ISL2: variants seen among roughly 807,000 people sequenced by gnomAD.
ISL2 encodes ISL LIM homeobox 2, also known as insulin gene enhancer protein ISL-2.
A neutral mutation model predicts 34.6 loss-of-function variants in ISL2; 17 were observed. The observed-to-expected ratio is 0.49, with a 90% CI of 0.34 to 0.74. The LOEUF is 0.74. Ranked by LOEUF, ISL2 falls within the 30% of genes least tolerant of loss-of-function variation. ISL2 has a pLI of 0.01. For missense variants in ISL2, 469 were observed against 515.2 expected (o/e 0.91, Z 0.87); for synonymous variants, 232 against 225.5 (o/e 1.03, Z -0.26).
Position 76,341,182 on chromosome 15 carries a change from C to G in ISL2, c.844C>G (p.Arg282Gly), listed in dbSNP as rs1458286334. 1 of 1,612,708 alleles carries G rather than the reference C, an allele frequency of 6.2e-7. No individual in the cohort carries two copies. Among genetic ancestry groups the G allele is most frequent in the Non-Finnish European group, 8.5e-7 (1 of 1,179,904 alleles). ...GCCCCTGGTGGCGGGCAGTCCCATC[C>G]GCCATGAGAACGCCGTGCAGGGCAG... is the stretch of plus-strand genomic sequence containing the variant. ...GTPLVAGSPI[R>G]HENAVQGSAV... The change falls in exon 5 of 6, where the codon CGC (arginine) becomes GGC (glycine). Residue 282 changes from arginine (R) to glycine (G), a missense_variant. Transcript: ENST00000290759.
Position 76,340,308 on chromosome 15 carries a change from C to T in ISL2, c.544C>T (p.Pro182Ser), listed in dbSNP as rs1170890138. The change falls in exon 4 of 6, where the codon CCG (proline) becomes TCG (serine). Residue 182 changes from proline (P) to serine (S), a missense_variant. Physicochemically the swap from Pro to Ser is moderately conservative, Grantham distance 74. This residue lies in a region of ISL2 where 297 missense variants were observed against 337.8 expected (regional missense o/e 0.88). Coordinates refer to ENST00000290759, the MANE Select transcript of ISL2 (RefSeq NM_145805.3). ...AGSGRQPALR[P>S]HVHKQTEKTT... Reference sequence around the variant, plus strand: ...GTCGGGCCGGCAGCCCGCGTTGCGCCCGCACGTGCACAAGCAGACGGAGAA... The same window carrying T: ...GTCGGGCCGGCAGCCCGCGTTGCGCTCGCACGTGCACAAGCAGACGGAGAA... The T allele has an allele frequency of 1.2e-6, 2 of 1,609,280 alleles. No homozygotes were observed. The highest frequency in any genetic ancestry group is 1.7e-6 in the Non-Finnish European group (2 of 1,178,904).
Position 76,340,362 on chromosome 15 carries a change from G to A in ISL2, c.598G>A (p.Glu200Lys), listed in dbSNP as rs1297225863. 1 of 1,613,382 alleles carries A rather than the reference G, an allele frequency of 6.2e-7. No individual in the cohort carries two copies. Residue 200 changes from glutamate (E) to lysine (K), a missense_variant, in exon 4 of 6, where the codon GAG (glutamate) becomes AAG (lysine). Around this residue, in one of 3 missense-constraint regions of ISL2, gnomAD observed 297 missense variants for 337.8 expected, o/e 0.88. Coordinates refer to ENST00000290759, the MANE Select transcript of ISL2 (RefSeq NM_145805.3). ...GACCCGCGTGCGGACTGTGCTGAAC[G>A]AGAAGCAGCTGCACACTCTGCGGAC... ...KTTRVRTVLN[E>K]KQLHTLRTCY... is the part of the protein sequence containing the mutation.
chr15:76,341,626 C>T (rs973493957), intron 5 of ISL2, 93 bp from the exon 6 acceptor site: 3 of 1,006,998 alleles, frequency 3.0e-6, no homozygotes, highest in Admixed American at 1.7e-5. Flanking sequence ...GGCCGGTCCC[C>T]AAGGGACACT....
intron 1 of ISL2, chr15:76,337,389 C>A (rs1306294842): frequency 3.2e-6 from 1 of 312,352 alleles, no homozygotes; most frequent in Non-Finnish European, 5.8e-6. Flanking sequence ...GAGGCAGCCG[C>A]TGTGAGTGGG....
chr15:76,340,190 C>CG lies in ISL2; in HGVS notation c.512-80dup, dbSNP rs1437216821. ...ATAAAACAGAAACGAAATCGGGCCC[C>CG]GGGGGGCTGGGCCACCCGGAGGTTG... On this transcript the variant is annotated intron_variant, in intron 3 of 5. Coordinates refer to ENST00000290759, the MANE Select transcript of ISL2 (RefSeq NM_145805.3). 3.0e-6 allele frequency: 4 copies of CG among 1,337,326 alleles called. No individual in the cohort carries two copies. The South Asian group carries it at 4.5e-5, about 15-fold the overall frequency. 82.8% of individuals were successfully genotyped at this position (1,337,326 alleles called of 1,614,324 possible).
At chr15:76,338,182 G>T in intron 2 of ISL2, 70 bp from the exon 3 acceptor site, 1 of 1,490,912 alleles carries the variant, frequency 6.7e-7, no homozygotes. Flanking sequence ...GCGCGCCGGA[G>T]CCGTAGCAGC....
In ISL2 at chr15:76,338,483, G is replaced by T; in HGVS notation, c.480G>T (p.Pro160=). The T allele has an allele frequency of 7.6e-7, 1 of 1,320,606 alleles. No individual in the cohort carries two copies. The allele number at this position is 1,320,606 out of a possible 1,614,324, so 81.8% of individuals were successfully genotyped here. A position where few individuals can be genotyped will look rare whatever the true frequency, so the allele number is the denominator to read the frequency against. ...AAAGSPRSPG[P]LPGARGLHLP... ...CCGGCAGCCCGCGCAGCCCCGGCCC[G>T]CTTCCCGGCGCCCGCGGCCTGCATC... Residue 160 remains proline (P), a synonymous_variant, in exon 3 of 6, where the codon CCG becomes CCT. Coordinates refer to ENST00000290759, the MANE Select transcript of ISL2 (RefSeq NM_145805.3).
chr15:76,341,185 C>T lies in ISL2; in HGVS notation c.847C>T (p.His283Tyr), dbSNP rs754336573. The change falls in exon 5 of 6, where the codon CAT becomes TAT. Residue 283 changes from histidine to tyrosine, a missense_variant. By Grantham distance (83) the His-to-Tyr change is moderately conservative (BLOSUM62 2). Transcript: ENST00000290759. The stretch of plus-strand genomic sequence containing the variant: ...CCTGGTGGCGGGCAGTCCCATCCGC[C>T]ATGAGAACGCCGTGCAGGGCAGCGC... ...TPLVAGSPIR[H>Y]ENAVQGSAVE... is the part of the protein sequence containing the mutation. The T allele has an allele frequency of 5.0e-5, 81 of 1,612,840 alleles. No individual in the cohort carries two copies. Among genetic ancestry groups the T allele is most frequent in the Non-Finnish European group, 6.8e-5 (80 of 1,179,956 alleles).
rs2040198791 is a variant in ISL2, at chr15:76,342,082, G to GAATCT, written c.*247_*248insAATCT. ...CAAAACCAGAATCTGGGACTTACCA[G>GAATCT]GGTTAGCTCTGCCCTCTCCTCTCCT... is the stretch of plus-strand genomic sequence containing the variant. On this transcript the variant is annotated 3_prime_UTR_variant, in exon 6 of 6. Transcript: ENST00000290759. 4.6e-6 allele frequency: 2 copies of GAATCT among 434,530 alleles called. No individual in the cohort carries two copies. The highest frequency in any genetic ancestry group is 8.3e-6 in the Non-Finnish European group (2 of 239,928). 26.9% of individuals were successfully genotyped at this position (434,530 alleles called of 1,614,324 possible). A position where few individuals can be genotyped will look rare whatever the true frequency, so the allele number is the denominator to read the frequency against.
Position 76,340,358 on chromosome 15 carries a change from G to C in ISL2, c.594G>C (p.Leu198=). 6.2e-7 allele frequency: 1 copy of C among 1,613,306 alleles called. No homozygotes were observed. The highest frequency in any genetic ancestry group is 1.1e-5 in the South Asian group (1 of 91,058). ...AGACGACCCGCGTGCGGACTGTGCTGAACGAGAAGCAGCTGCACACTCTGC... is the reference window on the plus strand; with the variant it reads ...AGACGACCCGCGTGCGGACTGTGCTCAACGAGAAGCAGCTGCACACTCTGC... ...TEKTTRVRTV[L]NEKQLHTLRT... Residue 198 remains leucine, a synonymous_variant, in exon 4 of 6, where the codon CTG becomes CTC. Transcript: ENST00000290759.
intron 1 of ISL2, 21 bp downstream of exon 1, chr15:76,336,962 G>C (rs1397059426): frequency 6.3e-7 from 1 of 1,596,090 alleles, no homozygotes. Context: ...CTGTGTGTGT[G>C]TGGGGTGGGG....
Position 76,337,869 on chromosome 15 carries a change from G to A in ISL2, c.150G>A (p.Ala50=). 1 of 1,612,672 alleles carries A rather than the reference G, an allele frequency of 6.2e-7. No homozygotes were observed. The highest frequency in any genetic ancestry group is 1.3e-5 in the African/African-American group (1 of 75,040). ...LRVSPDLEWH[A]ACLKCAECSQ... ...TGTCGCCCGACCTCGAGTGGCACGC[G>A]GCCTGCCTCAAGTGTGCCGAGTGCA... The change falls in exon 2 of 6, where the codon GCG becomes GCA. Residue 50 remains alanine (A), a synonymous_variant. Transcript: ENST00000290759.
rs940786016 is a variant in ISL2 at position 76,341,437 on chromosome 15, A to G, written c.963+136A>G. ...AGCCCTAGGCGGTGGGGGAGGGGGA[A>G]CAGTGGCGGGCTCTGAAACCTCACC... is the stretch of plus-strand genomic sequence containing the variant. On this transcript the variant is annotated intron_variant, in intron 5 of 5. Coordinates refer to ENST00000290759, the MANE Select transcript of ISL2 (RefSeq NM_145805.3). 7 of 827,578 alleles carry G rather than the reference A, an allele frequency of 8.5e-6. No homozygotes were observed. The African/African-American group carries it at 8.6e-5, about 10-fold the overall frequency. The allele number at this position is 827,578 out of a possible 1,614,324, so 51.3% of individuals were successfully genotyped here.
chr15:76,341,168 C>T lies in ISL2; in HGVS notation c.830C>T (p.Ala277Val). The change falls in exon 5 of 6, where the codon GCG becomes GTG. Residue 277 changes from alanine to valine, a missense_variant. Physicochemically the swap from Ala to Val is moderately conservative, Grantham distance 64. This residue lies in a region of ISL2 where 169 missense variants were observed against 154.2 expected (regional missense o/e 1.10). Coordinates refer to ENST00000290759, the MANE Select transcript of ISL2 (RefSeq NM_145805.3). ...GGACTGACTGGGACGCCCCTGGTGGCGGGCAGTCCCATCCGCCATGAGAAC... is the reference window on the plus strand; with the variant it reads ...GGACTGACTGGGACGCCCCTGGTGGTGGGCAGTCCCATCCGCCATGAGAAC... ...LQGLTGTPLV[A>V]GSPIRHENAV... 1 of 1,611,180 alleles carries T rather than the reference C, an allele frequency of 6.2e-7. No individual in the cohort carries two copies. The highest frequency in any genetic ancestry group is 8.5e-7 in the Non-Finnish European group (1 of 1,179,134).
intron 2 of ISL2, 22 bp downstream of exon 2, chr15:76,337,989 G>C (rs747400339): frequency 6.5e-7 from 1 of 1,538,706 alleles, no homozygotes; most frequent in South Asian, 1.2e-5. Flanking sequence ...GGGAACGCGG[G>C]CTGGGCCACC....
At chr15:76,337,230 G>GTTTT (rs11439488) in intron 1 of ISL2, among the ~76,000 whole-genome samples, 34 of 145,408 alleles carry the variant, frequency 2.3e-4, no homozygotes, top group African/African-American at 6.8e-4. Flanking sequence ...AGGGATGTGG[G>GTTTT]TTTTTTTTTT....
Position 76,342,271 on chromosome 15 carries a change from C to G in ISL2, c.*436C>G, listed in dbSNP as rs1031379462. 1 of 161,790 alleles carries G rather than the reference C, an allele frequency of 6.2e-6. No homozygotes were observed. Among genetic ancestry groups the G allele is most frequent in the African/African-American group, 2.4e-5 (1 of 41,750 alleles). 10.0% of individuals were successfully genotyped at this position (161,790 alleles called of 1,614,324 possible). A position where few individuals can be genotyped will look rare whatever the true frequency, so the allele number is the denominator to read the frequency against. ...AAAGGAAGGGGATAACTCAGAGGAA[C>G]AGACACTCAAACTCCCAAAGCGCAT... is the stretch of plus-strand genomic sequence containing the variant. On this transcript the variant is annotated 3_prime_UTR_variant, in exon 6 of 6. Transcript: ENST00000290759.
chr15:76,341,962 A>T lies in ISL2; in HGVS notation c.*127A>T. 1.4e-6 allele frequency: 1 copy of T among 696,334 alleles called. No homozygotes were observed. The highest frequency in any genetic ancestry group is 2.5e-6 in the Non-Finnish European group (1 of 393,466). The allele number at this position is 696,334 out of a possible 1,614,324, so 43.1% of individuals were successfully genotyped here. A position where few individuals can be genotyped will look rare whatever the true frequency, so the allele number is the denominator to read the frequency against. On this transcript the variant is annotated 3_prime_UTR_variant, in exon 6 of 6. Coordinates refer to ENST00000290759, the MANE Select transcript of ISL2 (RefSeq NM_145805.3). Reference sequence around the variant, plus strand: ...ATTATTCTATTGTTATTTATGAGAGAGTACCGAGAGACACGGTCTGGACAG... The same window carrying T: ...ATTATTCTATTGTTATTTATGAGAGTGTACCGAGAGACACGGTCTGGACAG...
In ISL2 at chr15:76,337,955, G is replaced by A. The variant is rs755063118; in HGVS notation, c.236G>A (p.Arg79Gln). 5.6e-6 allele frequency: 9 copies of A among 1,599,964 alleles called. No homozygotes were observed. Among genetic ancestry groups the A allele is most frequent in the Non-Finnish European group, 7.7e-6 (9 of 1,172,562 alleles). Residue 79 changes from arginine (R) to glutamine (Q), a missense_variant, in exon 2 of 6, where the codon CGG (arginine) becomes CAG (glutamine). By Grantham distance (43) the Arg-to-Gln change is conservative. This residue lies in a region of ISL2 where 297 missense variants were observed against 337.8 expected (regional missense o/e 0.88). Transcript: ENST00000290759. ...FVRDGKTYCK[R>Q]DYVRLFGIKC... The stretch of plus-strand genomic sequence containing the variant: ...AGAGACGGGAAGACCTACTGCAAGC[G>A]GGACTATGTCAGGTGAGGCCGGCGG...
Sources: allele counts gnomAD v4.1 joint callset (sites outside exome capture counted in the v4.1 genomes callset), GRCh38; gene constraint gnomAD v4.1.1; regional missense constraint gnomAD v4.1.1; transcripts MANE v1.5; gene names NCBI Gene and HGNC (gene_info 2026-07-23, HGNC 2026-07-21).